The following QRFPR variants were observed in gnomAD, a reference collection of about 807,000 sequenced individuals.
QRFPR encodes pyroglutamylated RFamide peptide receptor.
QRFPR carries 37 observed loss-of-function variants against 31.3 expected under a neutral mutation model. That is an observed-to-expected ratio of 1.18 (90% CI 0.91 to 1.56). The LOEUF (loss-of-function observed/expected upper bound fraction) is 1.56, where lower values mean the gene tolerates loss of function less well. QRFPR is among the 40% of genes most tolerant of loss of function. QRFPR has a pLI of 0.00. For synonymous variants in QRFPR, 197 were observed against 192.0 expected (o/e 1.03, Z -0.22); for missense variants, 542 against 532.5 (o/e 1.02, Z -0.18).
chr4:121,380,472 G>T lies in QRFPR; in HGVS notation c.176C>A (p.Ala59Glu). ...GAACACCAGAGCATTGCCAAAGAGC[G>T]CCAGGGCGAAGATGAGCACGCCGGT... Reference protein sequence around the residue: ...VLTGVLIFALALFGNALVFYV... With the variant: ...VLTGVLIFALELFGNALVFYV... The change falls in exon 1 of 6, where the codon GCG becomes GAG. Residue 59 changes from alanine to glutamate, a missense_variant. Coordinates refer to ENST00000394427, the MANE Select transcript of QRFPR (RefSeq NM_198179.3). 1 of 1,614,246 alleles carries T rather than the reference G, an allele frequency of 6.2e-7. No individual in the cohort carries two copies.
chr4:121,345,248 C>T (rs1462892020), intron 1 of QRFPR, among the ~76,000 whole-genome samples: 2 of 152,174 alleles, frequency 1.3e-5, no homozygotes, highest in Non-Finnish European at 2.9e-5. Context: ...GGTGTGGTCA[C>T]GTGCTCACCA....
Position 121,366,333 on chromosome 4 carries a change from A to C in QRFPR, c.340+13975T>G, listed in dbSNP as rs961699545. Among the ~76,000 whole-genome samples, 20 of 149,652 alleles carry C rather than the reference A, an allele frequency of 1.3e-4. 1 individual carries two copies. The highest frequency in any genetic ancestry group is 2.7e-4 in the Non-Finnish European group (18 of 67,524). ...CTTTCTGTGAGCTCTCTAAAACATG[A>C]TTTTGCCACTTGTCACATCAAGTGG... On this transcript the variant is annotated intron_variant, in intron 1 of 5. Transcript: ENST00000394427.
chr4:121,374,962 C>T (rs1726323397), intron 1 of QRFPR, among the ~76,000 whole-genome samples: 1 of 152,026 alleles, frequency 6.6e-6, no homozygotes, highest in Non-Finnish European at 1.5e-5. Context: ...TGTGTGTGCA[C>T]CTGAGGAGAC....
chr4:121,348,534 T>G (rs997455240), intron 1 of QRFPR, among the ~76,000 whole-genome samples: 2 of 152,140 alleles, frequency 1.3e-5, no homozygotes, highest in African/African-American at 4.8e-5. Flanking sequence ...TCATTTTCAA[T>G]CAATTTCTTC....
At chr4:121,360,101 C>T (rs981495459) in intron 1 of QRFPR, among the ~76,000 whole-genome samples, 10 of 152,070 alleles carry the variant, frequency 6.6e-5, no homozygotes, top group African/African-American at 1.9e-4. Context: ...AATGAGTACA[C>T]GACAAATTTG....
chr4:121,331,175 G>GTT lies in QRFPR; in HGVS notation c.798-654_798-653dup, dbSNP rs397995185. 5.4e-3 allele frequency among the ~76,000 whole-genome samples: 373 copies of GTT among 69,060 alleles called. 53 individuals carry two copies. Among genetic ancestry groups the GTT allele is most frequent in the African/African-American group, 0.021 (331 of 15,398 alleles). The allele number at this position is 69,060 out of a possible 152,430, so 45.3% of individuals were successfully genotyped here. A position where few individuals can be genotyped will look rare whatever the true frequency, so the allele number is the denominator to read the frequency against. Reference sequence around the variant, plus strand: ...TGGATATCTATACGATATATCTTGGGTTTTTTTTTTTTTTTTTTTTTTTTT... The same window carrying GTT: ...TGGATATCTATACGATATATCTTGGGTTTTTTTTTTTTTTTTTTTTTTTTTTT... On this transcript the variant is annotated intron_variant, in intron 4 of 5. Transcript: ENST00000394427.
intron 1 of QRFPR, among the ~76,000 whole-genome samples, chr4:121,369,136 C>A (rs1726183409): frequency 6.6e-6 from 1 of 152,180 alleles, no homozygotes; most frequent in Non-Finnish European, 1.5e-5. Context: ...TCAGGCAATT[C>A]TCCTGCCTCA....
intron 1 of QRFPR, among the ~76,000 whole-genome samples, chr4:121,350,639 C>A (rs557952177): frequency 6.6e-6 from 1 of 152,274 alleles, no homozygotes; most frequent in South Asian, 2.1e-4. Flanking sequence ...TTCAAAACAA[C>A]TACTTGTGAT....
intron 1 of QRFPR, among the ~76,000 whole-genome samples, chr4:121,357,066 T>A (rs936529949): frequency 6.6e-6 from 1 of 152,172 alleles, no homozygotes; most frequent in Non-Finnish European, 1.5e-5. Flanking sequence ...AGTTTCCTAC[T>A]GGTGCTGTAA....
intron 2 of QRFPR, chr4:121,340,108 CAAAAAAA>C (rs58311512): frequency 2.3e-5 from 3 of 131,920 alleles, no homozygotes; most frequent in East Asian, 2.6e-4. Context: ...CACTCTGTCT[CAAAAAAA>C]AAAAAAAAAA....
rs551782568 is a variant in QRFPR at position 121,380,397 on chromosome 4, A to T, written c.251T>A (p.Ile84Asn). The T allele has an allele frequency of 5.9e-5, 96 of 1,614,230 alleles. 1 individual carries two copies. In the South Asian group the frequency reaches 7.0e-4, roughly 12 times the overall value. The change falls in exon 1 of 6, where the codon ATC becomes AAC. Residue 84 changes from isoleucine to asparagine, a missense_variant. Coordinates refer to ENST00000394427, the MANE Select transcript of QRFPR (RefSeq NM_198179.3). Reference protein sequence around the residue: ...KAMRTVTNIFICSLALSDLLI... With the variant: ...KAMRTVTNIFNCSLALSDLLI... Reference sequence around the variant, plus strand: ...CAGGTCACTGAGCGCCAAGGAGCAGATAAAGATGTTGGTGACGGTGCGCAT... The same window carrying T: ...CAGGTCACTGAGCGCCAAGGAGCAGTTAAAGATGTTGGTGACGGTGCGCAT...
intron 1 of QRFPR, among the ~76,000 whole-genome samples, chr4:121,342,244 A>T (rs1045429743): frequency 1.3e-5 from 2 of 152,072 alleles, no homozygotes; most frequent in African/African-American, 4.8e-5. Context: ...TCTGACTCAG[A>T]CTGGGACCTA....
At chr4:121,379,739 T>C (rs566394238) in intron 1 of QRFPR, among the ~76,000 whole-genome samples, 77 of 152,308 alleles carry the variant, frequency 5.1e-4, no homozygotes, top group Middle Eastern at 3.4e-3. Flanking sequence ...AAAGGACTAG[T>C]TCAATATATT....
At chr4:121,340,296 G>A (rs971996464) in intron 2 of QRFPR, 156 bp downstream of exon 2, 1 of 749,946 alleles carries the variant, frequency 1.3e-6, no homozygotes, top group East Asian at 2.7e-5. Flanking sequence ...ATGGTGTGGA[G>A]ATGAAGGCAA....
intron 1 of QRFPR, among the ~76,000 whole-genome samples, chr4:121,365,676 T>G (rs1260780268): frequency 1.2e-5 from 1 of 86,912 alleles, no homozygotes; most frequent in Non-Finnish European, 2.1e-5. Context: ...TTATATATTA[T>G]ATATATATAT....
intron 1 of QRFPR, among the ~76,000 whole-genome samples, chr4:121,361,230 T>G (rs1725985653): frequency 6.7e-6 from 1 of 149,900 alleles, no homozygotes; most frequent in Non-Finnish European, 1.5e-5. Flanking sequence ...TTGAGGAAAA[T>G]TTCACTCATT....
intron 1 of QRFPR, among the ~76,000 whole-genome samples, chr4:121,372,469 A>G (rs906970440): frequency 6.6e-6 from 1 of 152,176 alleles, no homozygotes; most frequent in Admixed American, 6.5e-5. Flanking sequence ...TAAGTGTATG[A>G]TTCAGTGGCA....
intron 1 of QRFPR, among the ~76,000 whole-genome samples, chr4:121,365,574 A>ATATATAT (rs1560743830): frequency 5.1e-5 from 1 of 19,648 alleles, no homozygotes; most frequent in African/African-American, 3.6e-4. Flanking sequence ...ATTATATATA[A>ATATATAT]TATATATTAT....
Position 121,336,857 on chromosome 4 carries a change from G to A in QRFPR, c.511C>T (p.Leu171=). 1 of 1,614,036 alleles carries A rather than the reference G, an allele frequency of 6.2e-7. No individual in the cohort carries two copies. The change falls in exon 3 of 6, where the codon CTG becomes TTG. Residue 171 remains leucine (L), a synonymous_variant. Coordinates refer to ENST00000394427, the MANE Select transcript of QRFPR (RefSeq NM_198179.3). ...GGTGATCCTACGATGACTGCCACCA[G>A]CCAGACCACACCTGTAAAAGTGTTA... The part of the protein sequence containing the change: ...RAFTMLGVVW[L]VAVIVGSPMW...
Sources: gnomAD v4.1 joint callset for allele counts (sites outside exome capture counted in the v4.1 genomes callset) on GRCh38, gnomAD v4.1.1 for gene constraint, MANE v1.5 for transcripts, NCBI Gene and HGNC (gene_info 2026-07-23, HGNC 2026-07-21) for gene names.